The following KLF2 variants were observed in gnomAD, a reference collection of about 807,000 sequenced individuals.
KLF2 encodes the protein KLF transcription factor 2.
Under a neutral mutation model 22.2 loss-of-function variants are expected in KLF2, and 9 were observed. The ratio of observed to expected loss-of-function variants is 0.40; its 90% CI spans 0.24 to 0.71. The LOEUF is 0.71. Among genes scored for constraint, KLF2 ranks in the 30% least tolerant of loss-of-function variants. The pLI is 0.35. For missense variants in KLF2, 481 were observed against 542.1 expected, an observed-to-expected ratio of 0.89 and a Z score of 1.12; for synonymous variants, 299 against 264.2, an observed-to-expected ratio of 1.13 and a Z score of -1.28.
In KLF2 at chr19:16,325,729, T is replaced by G; in HGVS notation, c.589T>G (p.Phe197Val). The G allele has an allele frequency of 6.7e-6, 8 of 1,202,648 alleles. No individual in the cohort carries two copies. The East Asian group carries it at 1.1e-4, about 16-fold the overall frequency. 74.5% of individuals were successfully genotyped at this position (1,202,648 alleles called of 1,614,324 possible). A position where few individuals can be genotyped will look rare whatever the true frequency, so the allele number is the denominator to read the frequency against. ...PGPRASFPPP[F>V]GGPGFGAPGP... is the part of the protein sequence containing the mutation. The stretch of plus-strand genomic sequence containing the variant: ...TCCGCGCGCCTCCTTCCCGCCGCCT[T>G]TCGGTGGCCCTGGTTTCGGCGCGCC... Residue 197 changes from phenylalanine (F) to valine (V), a missense_variant, in exon 2 of 3, where the codon TTC (phenylalanine) becomes GTC (valine). Around this residue, in one of 2 missense-constraint regions of KLF2, gnomAD observed 421 missense variants for 435.1 expected, o/e 0.97. Transcript: ENST00000248071.
At position 16,327,188 on chromosome 19, in the gene KLF2, GCC is replaced by G; in HGVS notation, c.*158_*159del. The G allele has an allele frequency of 4.6e-6, 3 of 653,016 alleles. No homozygotes were observed. The highest frequency in any genetic ancestry group is 7.5e-6 in the Non-Finnish European group (3 of 399,896). The allele number at this position is 653,016 out of a possible 1,614,324, so 40.5% of individuals were successfully genotyped here. A position where few individuals can be genotyped will look rare whatever the true frequency, so the allele number is the denominator to read the frequency against. On this transcript the variant is annotated 3_prime_UTR_variant, in exon 3 of 3. Coordinates refer to ENST00000248071, the MANE Select transcript of KLF2 (RefSeq NM_016270.4). ...CTCCCTCGATGACGACGACGACGAC[GCC>G]ACCACCCCAGCCCCCGTCTGTGACT...
At position 16,325,819 on chromosome 19, in the gene KLF2, G is replaced by C. The variant is rs2091888006; in HGVS notation, c.679G>C (p.Ala227Pro). ...PAFGLFDDAA[A>P]AAAALGLAPP... ...CTTCGGTCTCTTCGACGACGCGGCC[G>C]CCGCCGCGGCAGCCCTGGGCCTGGC... The change falls in exon 2 of 3, where the codon GCC becomes CCC. Residue 227 changes from alanine (A) to proline (P), a missense_variant. This residue lies in a region of KLF2 where 421 missense variants were observed against 435.1 expected (regional missense o/e 0.97). Transcript: ENST00000248071. The C allele has an allele frequency of 4.4e-6, 6 of 1,352,162 alleles. No individual in the cohort carries two copies. Among genetic ancestry groups the C allele is most frequent in the Non-Finnish European group, 4.7e-6 (5 of 1,060,552 alleles). 83.8% of individuals were successfully genotyped at this position (1,352,162 alleles called of 1,614,324 possible).
In KLF2 at chr19:16,324,989, C is replaced by G. The variant is rs1193133531; in HGVS notation, c.66C>G (p.Gly22=). ...TCGCCAGCCCGTGCCGCGAGCGCGGCCTGCAGGAGGTGAGGGCGGCGGGGA... is the reference window on the plus strand; with the variant it reads ...TCGCCAGCCCGTGCCGCGAGCGCGGGCTGCAGGAGGTGAGGGCGGCGGGGA... ...STFASPCRER[G]LQERWPRAEP... Residue 22 remains glycine, a synonymous_variant, in exon 1 of 3, where the codon GGC becomes GGG. Transcript: ENST00000248071. The G allele has an allele frequency of 1.3e-6, 2 of 1,598,784 alleles. No homozygotes were observed. Among genetic ancestry groups the G allele is most frequent in the Non-Finnish European group, 1.7e-6 (2 of 1,174,106 alleles).
Position 16,327,459 on chromosome 19 carries a change from A to T in KLF2, c.*428A>T, listed in dbSNP as rs2091893753. ...AGAGACAGGTGGGCATTTTTGGGCT[A>T]CCTGGTTCGTTTTTATAAGATTTTG... On this transcript the variant is annotated 3_prime_UTR_variant, in exon 3 of 3. Coordinates refer to ENST00000248071, the MANE Select transcript of KLF2 (RefSeq NM_016270.4). 6.5e-6 allele frequency: 1 copy of T among 154,988 alleles called. No individual in the cohort carries two copies. Among genetic ancestry groups the T allele is most frequent in the Non-Finnish European group, 1.4e-5 (1 of 70,134 alleles). The allele number at this position is 154,988 out of a possible 1,614,324, so 9.6% of individuals were successfully genotyped here.
In KLF2 at chr19:16,327,204, C is replaced by T. The variant is rs2091893053; in HGVS notation, c.*173C>T. The T allele has an allele frequency of 3.5e-6, 2 of 578,996 alleles. No homozygotes were observed. Among genetic ancestry groups the T allele is most frequent in the African/African-American group, 1.9e-5 (1 of 52,110 alleles). 35.9% of individuals were successfully genotyped at this position (578,996 alleles called of 1,614,324 possible). A position where few individuals can be genotyped will look rare whatever the true frequency, so the allele number is the denominator to read the frequency against. On this transcript the variant is annotated 3_prime_UTR_variant, in exon 3 of 3. Transcript: ENST00000248071. ...GACGACGACGCCACCACCCCAGCCC[C>T]CGTCTGTGACTGAAGGCCCGGTGGG...
Position 16,324,845 on chromosome 19 carries a change from C to T in KLF2, c.-79C>T, listed in dbSNP as rs2091882617. 8 of 1,274,682 alleles carry T rather than the reference C, an allele frequency of 6.3e-6. No individual in the cohort carries two copies. Among genetic ancestry groups the T allele is most frequent in the Non-Finnish European group, 8.7e-6 (8 of 921,440 alleles). The allele number at this position is 1,274,682 out of a possible 1,614,324, so 79.0% of individuals were successfully genotyped here. On this transcript the variant is annotated 5_prime_UTR_variant, in exon 1 of 3. Transcript: ENST00000248071. ...CGGCCCACAGAGCCGTCCCCGCCCG[C>T]CCGCGCCCCGACCAGCCCGGCCTCG...
In KLF2 at chr19:16,327,063, G is replaced by A. The variant is rs1306887842; in HGVS notation, c.*32G>A. On this transcript the variant is annotated 3_prime_UTR_variant, in exon 3 of 3. Coordinates refer to ENST00000248071, the MANE Select transcript of KLF2 (RefSeq NM_016270.4). ...CGCCCCCGCCCACCTGCGCGCGGCC[G>A]TGGCGGGTCCCACGCGCCGGGCGCG... 1 of 1,523,514 alleles carries A rather than the reference G, an allele frequency of 6.6e-7. No individual in the cohort carries two copies. 94.4% of individuals were successfully genotyped at this position (1,523,514 alleles called of 1,614,324 possible). A position where few individuals can be genotyped will look rare whatever the true frequency, so the allele number is the denominator to read the frequency against.
Position 16,327,548 on chromosome 19 carries a change from C to T in KLF2, c.*517C>T, listed in dbSNP as rs7247605. ...TTTTAAAAAAAATCACAGCACTGGT[C>T]TGGTTGCTTGGAACTGGGGCCTTGG... On this transcript the variant is annotated 3_prime_UTR_variant, in exon 3 of 3. Coordinates refer to ENST00000248071, the MANE Select transcript of KLF2 (RefSeq NM_016270.4). The T allele has an allele frequency of 0.026, 3,942 of 151,748 alleles. 161 individuals are homozygous for T. Among genetic ancestry groups the T allele is most frequent in the African/African-American group, 0.089 (3,652 of 41,172 alleles). 9.4% of individuals were successfully genotyped at this position (151,748 alleles called of 1,614,324 possible).
At chr19:16,325,195 C>A in intron 1 of KLF2, 21 bp from the exon 2 acceptor site, 2 of 1,491,740 alleles carry the variant, frequency 1.3e-6, no homozygotes, top group South Asian at 1.3e-5. Flanking sequence ...CCGCTCACGC[C>A]CATTGCCCTG....
At position 16,325,832 on chromosome 19, in the gene KLF2, C is replaced by G. The variant is rs1209614128; in HGVS notation, c.692C>G (p.Ala231Gly). 7.1e-7 allele frequency: 1 copy of G among 1,408,852 alleles called. No individual in the cohort carries two copies. Among genetic ancestry groups the G allele is most frequent in the Non-Finnish European group, 9.2e-7 (1 of 1,089,850 alleles). 87.3% of individuals were successfully genotyped at this position (1,408,852 alleles called of 1,614,324 possible). A position where few individuals can be genotyped will look rare whatever the true frequency, so the allele number is the denominator to read the frequency against. Residue 231 changes from alanine to glycine, a missense_variant, in exon 2 of 3, where the codon GCC (alanine) becomes GGC (glycine). Around this residue, in one of 2 missense-constraint regions of KLF2, gnomAD observed 421 missense variants for 435.1 expected, o/e 0.97. Transcript: ENST00000248071. ...GACGACGCGGCCGCCGCCGCGGCAGCCCTGGGCCTGGCGCCCCCCGCCGCC... is the reference window on the plus strand; with the variant it reads ...GACGACGCGGCCGCCGCCGCGGCAGGCCTGGGCCTGGCGCCCCCCGCCGCC... ...LFDDAAAAAAALGLAPPAARG... is the reference protein window; with the variant it reads ...LFDDAAAAAAGLGLAPPAARG...
chr19:16,325,352 C>G lies in KLF2; in HGVS notation c.212C>G (p.Pro71Arg). The change falls in exon 2 of 3, where the codon CCT becomes CGT. Residue 71 changes from proline (P) to arginine (R), a missense_variant. Physicochemically the swap from Pro to Arg is moderately radical, Grantham distance 103. Coordinates refer to ENST00000248071, the MANE Select transcript of KLF2 (RefSeq NM_016270.4). ...GAGCCGCCGCCGCCGCCCCCGCCGC[C>G]TGCGTTCTATTACCCCGAACCCGGC... ...APEPPPPPPPPAFYYPEPGAP... is the reference protein window; with the variant it reads ...APEPPPPPPPRAFYYPEPGAP... 3 of 1,466,522 alleles carry G rather than the reference C, an allele frequency of 2.0e-6. No homozygotes were observed. Among genetic ancestry groups the G allele is most frequent in the African/African-American group, 1.5e-5 (1 of 67,442 alleles). The allele number at this position is 1,466,522 out of a possible 1,614,324, so 90.8% of individuals were successfully genotyped here.
chr19:16,325,395 C>T lies in KLF2; in HGVS notation c.255C>T (p.Ser85=), dbSNP rs1410188649. Residue 85 remains serine, a synonymous_variant, in exon 2 of 3, where the codon AGC becomes AGT. Coordinates refer to ENST00000248071, the MANE Select transcript of KLF2 (RefSeq NM_016270.4). ...AACCCGGCGCGCCCCCGCCCTACAG[C>T]GCCCCCGCGGGTGGCCTGGTGTCTG... ...YPEPGAPPPY[S]APAGGLVSEL... 2.8e-6 allele frequency: 4 copies of T among 1,423,448 alleles called. No individual in the cohort carries two copies. The highest frequency in any genetic ancestry group is 6.6e-5 in the Admixed American group (2 of 30,514). The allele number at this position is 1,423,448 out of a possible 1,614,324, so 88.2% of individuals were successfully genotyped here. A position where few individuals can be genotyped will look rare whatever the true frequency, so the allele number is the denominator to read the frequency against.
Position 16,325,765 on chromosome 19 carries a change from C to G in KLF2, c.625C>G (p.Leu209Val). 1 of 1,273,434 alleles carries G rather than the reference C, an allele frequency of 7.9e-7. No individual in the cohort carries two copies. The highest frequency in any genetic ancestry group is 3.0e-4 in the Middle Eastern group (1 of 3,284). 78.9% of individuals were successfully genotyped at this position (1,273,434 alleles called of 1,614,324 possible). Residue 209 changes from leucine (L) to valine (V), a missense_variant, in exon 2 of 3, where the codon CTG becomes GTG. By Grantham distance (32) the Leu-to-Val change is conservative (BLOSUM62 1). Transcript: ENST00000248071. ...TGGTTTCGGCGCGCCCGGGCCCGGC[C>G]TGCATTACGCGCCGCCTGCGCCCCC... is the stretch of plus-strand genomic sequence containing the variant. ...GPGFGAPGPG[L>V]HYAPPAPPAF...
rs1306088136 is a variant in KLF2 at position 16,328,149 on chromosome 19, C to T, written c.*1118C>T. The stretch of plus-strand genomic sequence containing the variant: ...GGTGGAGTTGGGTTGTTAGCCTGCT[C>T]TGTCTGCCTCCAAGGGTCCCTGAAC... On this transcript the variant is annotated 3_prime_UTR_variant, in exon 3 of 3. Transcript: ENST00000248071. 6.6e-6 allele frequency among the ~76,000 whole-genome samples: 1 copy of T among 152,134 alleles called. No homozygotes were observed. Among genetic ancestry groups the T allele is most frequent in the Non-Finnish European group, 1.5e-5 (1 of 68,024 alleles).
rs774243635 is a variant in KLF2, at chr19:16,326,013, G to T, written c.873G>T (p.Ala291=). The change falls in exon 2 of 3, where the codon GCG becomes GCT. Residue 291 remains alanine (A), a synonymous_variant. Transcript: ENST00000248071. ...KTYTKSSHLK[A]HLRTHTGEKP... ...ACACCAAGAGTTCGCATCTGAAGGC[G>T]CATCTGCGCACGCACACAGGTGGGC... The T allele has an allele frequency of 2.8e-5, 43 of 1,551,598 alleles. No homozygotes were observed. The highest frequency in any genetic ancestry group is 3.9e-5 in the Admixed American group (2 of 51,506).
Position 16,327,221 on chromosome 19 carries a change from C to T in KLF2, c.*190C>T. The stretch of plus-strand genomic sequence containing the variant: ...CCCAGCCCCCGTCTGTGACTGAAGG[C>T]CCGGTGGGAAAAGACCACGATCCTC... On this transcript the variant is annotated 3_prime_UTR_variant, in exon 3 of 3. Transcript: ENST00000248071. The T allele has an allele frequency of 5.5e-6, 3 of 547,826 alleles. No individual in the cohort carries two copies. The highest frequency in any genetic ancestry group is 9.6e-6 in the Non-Finnish European group (3 of 312,928). The allele number at this position is 547,826 out of a possible 1,614,324, so 33.9% of individuals were successfully genotyped here.
Position 16,325,296 on chromosome 19 carries a change from G to C in KLF2, c.156G>C (p.Gly52=), listed in dbSNP as rs764329434. The change falls in exon 2 of 3, where the codon GGG becomes GGC. Residue 52 remains glycine, a synonymous_variant. Coordinates refer to ENST00000248071, the MANE Select transcript of KLF2 (RefSeq NM_016270.4). ...TGCTGGACTTCATCCTGTCCATGGG[G>C]CTGGATGGCCTGGGCGCCGAGGCCG... ...NSVLDFILSM[G]LDGLGAEAAP... The C allele has an allele frequency of 6.6e-6, 10 of 1,511,260 alleles. No homozygotes were observed. The East Asian group carries it at 2.8e-4, about 42-fold the overall frequency. The allele number at this position is 1,511,260 out of a possible 1,614,324, so 93.6% of individuals were successfully genotyped here. A position where few individuals can be genotyped will look rare whatever the true frequency, so the allele number is the denominator to read the frequency against.
In KLF2 at chr19:16,325,656, C is replaced by T; in HGVS notation, c.516C>T (p.Asp172=). 4 of 1,078,104 alleles carry T rather than the reference C, an allele frequency of 3.7e-6. No individual in the cohort carries two copies. The highest frequency in any genetic ancestry group is 4.5e-6 in the Non-Finnish European group (4 of 893,978). The allele number at this position is 1,078,104 out of a possible 1,614,324, so 66.8% of individuals were successfully genotyped here. A position where few individuals can be genotyped will look rare whatever the true frequency, so the allele number is the denominator to read the frequency against. ...GPGGRPPPPP[D]TPPLSPDGPA... ...GGGGCCGCCCCCCGCCGCCGCCCGA[C>T]ACACCGCCGCTCAGCCCCGACGGCC... The change falls in exon 2 of 3, where the codon GAC becomes GAT. Residue 172 remains aspartate, a synonymous_variant. Coordinates refer to ENST00000248071, the MANE Select transcript of KLF2 (RefSeq NM_016270.4).
chr19:16,325,723 C>T lies in KLF2; in HGVS notation c.583C>T (p.Pro195Ser), dbSNP rs1370939293. 5.8e-6 allele frequency: 7 copies of T among 1,197,844 alleles called. No individual in the cohort carries two copies. The African/African-American group carries it at 9.6e-5, about 17-fold the overall frequency. 74.2% of individuals were successfully genotyped at this position (1,197,844 alleles called of 1,614,324 possible). ...GCCCGGTCCGCGCGCCTCCTTCCCG[C>T]CGCCTTTCGGTGGCCCTGGTTTCGG... ...PAPGPRASFP[P>S]PFGGPGFGAP... The change falls in exon 2 of 3, where the codon CCG becomes TCG. Residue 195 changes from proline to serine, a missense_variant. Around this residue, in one of 2 missense-constraint regions of KLF2, gnomAD observed 421 missense variants for 435.1 expected, o/e 0.97. Transcript: ENST00000248071.
Sources: allele counts gnomAD v4.1 joint callset (sites outside exome capture counted in the v4.1 genomes callset), GRCh38; gene constraint gnomAD v4.1.1; regional missense constraint gnomAD v4.1.1; transcripts MANE v1.5; gene names NCBI Gene and HGNC (gene_info 2026-07-23, HGNC 2026-07-21).